Variants in WNT9A observed in about 807,000 individuals in gnomAD.
WNT9A encodes Wnt family member 9A.
Under a neutral mutation model 31.4 loss-of-function variants are expected in WNT9A, and 8 were observed. The observed-to-expected ratio is 0.26, with a 90% CI of 0.15 to 0.46. WNT9A has a LOEUF of 0.46. WNT9A is among the 20% of genes least tolerant of loss of function. The pLI, the probability that WNT9A is intolerant of heterozygous loss-of-function variation, is 0.99. For missense variants in WNT9A, 457 were observed against 522.9 expected (o/e 0.87, Z 1.23); for synonymous variants, 236 against 220.1 (o/e 1.07, Z -0.64).
rs917746085 is a variant in WNT9A at position 227,928,120 on chromosome 1, G to A, written c.96-2601C>T. On this transcript the variant is annotated intron_variant, in intron 1 of 3. Transcript: ENST00000272164. This position sits in a 1 kb window ranked among gnomAD's most constrained non-coding sequence, Gnocchi z 4.5. ...ACTGGTCAGTGTGAGGCCCGAGCACGCCGGGGCACTGAGAGCTGGTTTGAC... is the reference window on the plus strand; with the variant it reads ...ACTGGTCAGTGTGAGGCCCGAGCACACCGGGGCACTGAGAGCTGGTTTGAC... 1.3e-5 allele frequency among the ~76,000 whole-genome samples: 2 copies of A among 152,116 alleles called. No homozygotes were observed. Among genetic ancestry groups the A allele is most frequent in the South Asian group, 2.1e-4 (1 of 4,818 alleles).
Position 227,921,174 on chromosome 1 carries a change from T to C in WNT9A, c.*344A>G, listed in dbSNP as rs907679245. On this transcript the variant is annotated 3_prime_UTR_variant, in exon 4 of 4. Transcript: ENST00000272164. ...TGACTGGGCCCAGGGCCTCAGCCCTTGCAGGTGTACACTCCTCACACCGTG... is the reference window on the plus strand; with the variant it reads ...TGACTGGGCCCAGGGCCTCAGCCCTCGCAGGTGTACACTCCTCACACCGTG... 6.8e-6 allele frequency: 2 copies of C among 293,094 alleles called. No individual in the cohort carries two copies. The highest frequency in any genetic ancestry group is 6.4e-6 in the Non-Finnish European group (1 of 155,318). 18.2% of individuals were successfully genotyped at this position (293,094 alleles called of 1,614,324 possible).
At chr1:227,923,876 G>A (rs560924286) in intron 3 of WNT9A, among the ~76,000 whole-genome samples, 6 of 152,158 alleles carry the variant, frequency 3.9e-5, no homozygotes, top group Admixed American at 2.6e-4. Flanking sequence ...TCTGCAGGCA[G>A]ACATGGGGTA....
chr1:227,931,630 G>GT (rs1422611515), intron 1 of WNT9A, among the ~76,000 whole-genome samples: 1 of 152,172 alleles, frequency 6.6e-6, no homozygotes, highest in Non-Finnish European at 1.5e-5. Flanking sequence ...AATCACATGA[G>GT]TTTTTTTGTT....
In WNT9A at chr1:227,946,811, T is replaced by C. The variant is rs377480249; in HGVS notation, c.95+982A>G. Among the ~76,000 whole-genome samples the C allele has an allele frequency of 2.0e-5, 3 of 152,116 alleles. No individual in the cohort carries two copies. The East Asian group carries it at 5.8e-4, about 30-fold the overall frequency. ...CGGCCAGCCCGCCGCGCGCTGGCGC[T>C]CAGGCCAGAGGGCCGGGAACAGGTG... On this transcript the variant is annotated intron_variant, in intron 1 of 3. Transcript: ENST00000272164.
rs188244278 is a variant in WNT9A at position 227,931,559 on chromosome 1, T to C, written c.96-6040A>G. Reference sequence around the variant, plus strand: ...CTTTACTGAGATACACAGGCACACCTTGAAGATGTTGTAGCTTTGGTTTCA... The same window carrying C: ...CTTTACTGAGATACACAGGCACACCCTGAAGATGTTGTAGCTTTGGTTTCA... On this transcript the variant is annotated intron_variant, in intron 1 of 3. Transcript: ENST00000272164. Among the ~76,000 whole-genome samples, 25 of 152,350 alleles carry C rather than the reference T, an allele frequency of 1.6e-4. No homozygotes were observed. The East Asian group carries it at 4.4e-3, about 27-fold the overall frequency.
At chr1:227,934,051 C>T (rs1666551180) in intron 1 of WNT9A, among the ~76,000 whole-genome samples, 1 of 152,216 alleles carries the variant, frequency 6.6e-6, no homozygotes, top group Non-Finnish European at 1.5e-5. Flanking sequence ...GAATCCTATT[C>T]CATTGTGTGG....
At chr1:227,937,773 G>A (rs980183843) in intron 1 of WNT9A, among the ~76,000 whole-genome samples, 1 of 152,250 alleles carries the variant, frequency 6.6e-6, no homozygotes, top group African/African-American at 2.4e-5. Flanking sequence ...CTTCAGACCT[G>A]AGACAGAAGT....
At chr1:227,945,110 C>G (rs997290919) in intron 1 of WNT9A, among the ~76,000 whole-genome samples, 1 of 152,236 alleles carries the variant, frequency 6.6e-6, no homozygotes, top group Non-Finnish European at 1.5e-5. Context: ...GAAACCACAA[C>G]CCAGCAAGGG....
chr1:227,921,302 A>C lies in WNT9A; in HGVS notation c.*216T>G. 1.5e-6 allele frequency: 1 copy of C among 676,596 alleles called. No homozygotes were observed. Among genetic ancestry groups the C allele is most frequent in the South Asian group, 2.1e-5 (1 of 47,718 alleles). The allele number at this position is 676,596 out of a possible 1,614,324, so 41.9% of individuals were successfully genotyped here. On this transcript the variant is annotated 3_prime_UTR_variant, in exon 4 of 4. Coordinates refer to ENST00000272164, the MANE Select transcript of WNT9A (RefSeq NM_003395.4). Reference sequence around the variant, plus strand: ...TCTGTGCAATGCCTGCACCCCATGCAGCTAGGACTGAGCCCAGGGACTCAC... The same window carrying C: ...TCTGTGCAATGCCTGCACCCCATGCCGCTAGGACTGAGCCCAGGGACTCAC...
intron 1 of WNT9A, among the ~76,000 whole-genome samples, chr1:227,945,612 G>A (rs1272134211): frequency 2.0e-5 from 3 of 152,168 alleles, no homozygotes; most frequent in African/African-American, 7.2e-5. Context: ...AGAGGGGGAA[G>A]GGAGAAAACG....
chr1:227,921,239 C>A lies in WNT9A; in HGVS notation c.*279G>T. The A allele has an allele frequency of 2.4e-6, 1 of 422,600 alleles. No homozygotes were observed. Among genetic ancestry groups the A allele is most frequent in the Non-Finnish European group, 4.2e-6 (1 of 235,920 alleles). 26.2% of individuals were successfully genotyped at this position (422,600 alleles called of 1,614,324 possible). A position where few individuals can be genotyped will look rare whatever the true frequency, so the allele number is the denominator to read the frequency against. The stretch of plus-strand genomic sequence containing the variant: ...CATGTGCAGCAGGGCTGACTGGGCC[C>A]AGGGATTCAGCCTTGGCAGGTGTAG... On this transcript the variant is annotated 3_prime_UTR_variant, in exon 4 of 4. Coordinates refer to ENST00000272164, the MANE Select transcript of WNT9A (RefSeq NM_003395.4).
At chr1:227,939,389 C>T (rs1179974639) in intron 1 of WNT9A, among the ~76,000 whole-genome samples, 3 of 152,136 alleles carry the variant, frequency 2.0e-5, no homozygotes, top group Admixed American at 1.3e-4. Flanking sequence ...CTGGGGACGG[C>T]CCCCCGCTCC....
At chr1:227,927,496 A>G (rs1049398004) in intron 1 of WNT9A, among the ~76,000 whole-genome samples, 1 of 152,194 alleles carries the variant, frequency 6.6e-6, no homozygotes, top group Non-Finnish European at 1.5e-5. Flanking sequence ...CCTGGGGGTC[A>G]GGACAGGAGC....
intron 1 of WNT9A, among the ~76,000 whole-genome samples, chr1:227,931,702 G>T (rs1227793277): frequency 6.6e-6 from 1 of 152,142 alleles, no homozygotes; most frequent in Non-Finnish European, 1.5e-5. Flanking sequence ...ATAGCATTAT[G>T]TCTTAAAAAT....
chr1:227,938,596 C>A (rs1057092536), intron 1 of WNT9A, among the ~76,000 whole-genome samples: 1 of 152,074 alleles, frequency 6.6e-6, no homozygotes. Flanking sequence ...CACACAACCC[C>A]CCACATGCAT....
chr1:227,923,989 G>A (rs1666369948), intron 3 of WNT9A, 149 bp downstream of exon 3: 3 of 1,161,394 alleles, frequency 2.6e-6, no homozygotes, highest in Non-Finnish European at 3.6e-6. Context: ...GACTGGCGCT[G>A]CACGGCCTCC....
chr1:227,935,692 A>C (rs1666583349), intron 1 of WNT9A, among the ~76,000 whole-genome samples: 1 of 152,014 alleles, frequency 6.6e-6, no homozygotes, highest in Non-Finnish European at 1.5e-5. Flanking sequence ...CTTTCTGTTG[A>C]CCATGCCTGT....
rs143819875 is a variant in WNT9A, at chr1:227,937,266, G to A, written c.95+10527C>T. Among the ~76,000 whole-genome samples, 532 of 152,330 alleles carry A rather than the reference G, an allele frequency of 3.5e-3. 12 individuals are homozygous for A. The highest frequency in any genetic ancestry group is 0.029 in the East Asian group (152 of 5,182). On this transcript the variant is annotated intron_variant, in intron 1 of 3. Transcript: ENST00000272164. ...CCGCTGCACTCAGCACCGCTGCTCC[G>A]CTTCCTGGGCTGCGGCTGTCTTTTC...
intron 3 of WNT9A, 77 bp downstream of exon 3, chr1:227,924,056 CCCCAG>C: frequency 1.5e-6 from 1 of 665,512 alleles, no homozygotes; most frequent in Non-Finnish European, 2.2e-6. Context: ...GCAGCCCCGC[CCCCAG>C]TCCCACGCCC....
Sources: gnomAD v4.1 joint callset for allele counts (sites outside exome capture counted in the v4.1 genomes callset) on GRCh38, gnomAD v4.1.1 for gene constraint, Gnocchi (gnomAD v3.1) non-coding constraint, MANE v1.5 for transcripts, NCBI Gene and HGNC (gene_info 2026-07-23, HGNC 2026-07-21) for gene names.